MRRF: variants seen among roughly 807,000 people sequenced by gnomAD.
The protein encoded by MRRF is mitochondrial ribosome recycling factor.
A neutral mutation model predicts 25.1 loss-of-function variants in MRRF; 18 were observed. The observed-to-expected ratio is 0.72, with a 90% CI of 0.50 to 1.06. MRRF has a LOEUF of 1.06. Ranked by LOEUF, MRRF falls within the 50% of genes least tolerant of loss-of-function variation. The pLI, the probability that MRRF is intolerant of heterozygous loss-of-function variation, is 0.00. For synonymous variants in MRRF, 113 were observed against 112.1 expected, an observed-to-expected ratio of 1.01 and a Z score of -0.05; for missense variants, 323 against 319.3, an observed-to-expected ratio of 1.01 and a Z score of -0.09.
chr9:122,299,835 T>C (rs1357554837), intron 5 of MRRF, among the ~76,000 whole-genome samples: 1 of 151,994 alleles, frequency 6.6e-6, no homozygotes, highest in African/African-American at 2.4e-5. Context: ...CTTAGCAACA[T>C]AATTTTATTG....
chr9:122,299,743 T>A (rs1187067622), intron 5 of MRRF, among the ~76,000 whole-genome samples: 1 of 151,868 alleles, frequency 6.6e-6, no homozygotes, highest in East Asian at 1.9e-4. Flanking sequence ...AAGTATAGGG[T>A]CCTGGAAACC....
chr9:122,317,954 G>A (rs1011504718), intron 6 of MRRF, among the ~76,000 whole-genome samples: 14 of 152,004 alleles, frequency 9.2e-5, no homozygotes, highest in Admixed American at 6.6e-4. Flanking sequence ...TGGCTAACAC[G>A]GTGAAACCCT....
rs1488794140 is a variant in MRRF, at chr9:122,313,494, A to G, written c.711+108A>G. On this transcript the variant is annotated intron_variant, in intron 6 of 6. Transcript: ENST00000344641. ...ACAGAATACCTCTGATCTTTCATTC[A>G]CATTATCACCATTGTCTGAGTCTCT... 8.9e-6 allele frequency: 11 copies of G among 1,234,410 alleles called. No homozygotes were observed. In the Admixed American group the frequency reaches 1.9e-4, roughly 21 times the overall value. 76.5% of individuals were successfully genotyped at this position (1,234,410 alleles called of 1,614,324 possible). A position where few individuals can be genotyped will look rare whatever the true frequency, so the allele number is the denominator to read the frequency against.
intron 5 of MRRF, among the ~76,000 whole-genome samples, chr9:122,311,543 A>T (rs1020176884): frequency 1.3e-5 from 2 of 152,208 alleles, no homozygotes; most frequent in African/African-American, 2.4e-5. Flanking sequence ...ATTAAGGCCA[A>T]ATTACCTATA....
intron 5 of MRRF, among the ~76,000 whole-genome samples, chr9:122,298,107 A>C (rs78441285): frequency 6.6e-6 from 1 of 152,220 alleles, no homozygotes; most frequent in Non-Finnish European, 1.5e-5. Flanking sequence ...AGAGTTGAGC[A>C]GGATTCAAAC....
At chr9:122,302,454 G>A (rs55801152) in intron 5 of MRRF, among the ~76,000 whole-genome samples, 2 of 152,182 alleles carry the variant, frequency 1.3e-5, no homozygotes. Flanking sequence ...GGAGTCACAC[G>A]ATATGTGGTC....
chr9:122,307,236 C>A (rs1017031292), intron 5 of MRRF, among the ~76,000 whole-genome samples: 1 of 152,134 alleles, frequency 6.6e-6, no homozygotes, highest in Non-Finnish European at 1.5e-5. Context: ...AGGGGGGAGT[C>A]CCGGAAGCCC....
chr9:122,298,008 A>T (rs1256632309), intron 5 of MRRF, among the ~76,000 whole-genome samples: 2 of 152,156 alleles, frequency 1.3e-5, no homozygotes, highest in Non-Finnish European at 2.9e-5. Flanking sequence ...TCTATGATTG[A>T]ACTCACTCTG....
chr9:122,280,038 T>C (rs1051904063), intron 2 of MRRF, among the ~76,000 whole-genome samples: 4 of 152,230 alleles, frequency 2.6e-5, no homozygotes, highest in Non-Finnish European at 4.4e-5. Flanking sequence ...TTAATTTAGT[T>C]ATGGATTCCC....
In MRRF at chr9:122,270,870, T is replaced by G. The variant is rs1454214909; in HGVS notation, c.-22T>G. ...TTTGTCTTATTCTTTTTAGTGGATG[T>G]TTCCAAGGATTGTCTTCAGTCATGG... On this transcript the variant is annotated 5_prime_UTR_variant, in exon 2 of 7. Transcript: ENST00000344641. The G allele has an allele frequency of 6.2e-7, 1 of 1,613,154 alleles. No homozygotes were observed.
At chr9:122,300,658 T>G (rs1306837942) in intron 5 of MRRF, among the ~76,000 whole-genome samples, 1 of 152,238 alleles carries the variant, frequency 6.6e-6, no homozygotes, top group East Asian at 1.9e-4. Flanking sequence ...TAATCCTTAA[T>G]GCCCTCCTTC....
intron 5 of MRRF, among the ~76,000 whole-genome samples, chr9:122,305,951 T>A (rs552820531): frequency 2.6e-5 from 4 of 152,352 alleles, no homozygotes; most frequent in South Asian, 4.1e-4. Context: ...ATTTATGTAT[T>A]AGCTAATATA....
In MRRF at chr9:122,328,960, C is replaced by G. The variant is rs1187674948; in HGVS notation, c.*6343C>G. Reference sequence around the variant, plus strand: ...AACTGCAGATATGCACAGCTGTGCCCGAAGATCCCTTTCTCTTACATTCCT... The same window carrying G: ...AACTGCAGATATGCACAGCTGTGCCGGAAGATCCCTTTCTCTTACATTCCT... On this transcript the variant is annotated 3_prime_UTR_variant, in exon 7 of 7. Coordinates refer to ENST00000344641, the MANE Select transcript of MRRF (RefSeq NM_138777.5). The G allele has an allele frequency of 2.0e-5, 3 of 151,928 alleles. No individual in the cohort carries two copies. The highest frequency in any genetic ancestry group is 4.4e-5 in the Non-Finnish European group (3 of 67,994). The allele number at this position is 151,928 out of a possible 1,614,324, so 9.4% of individuals were successfully genotyped here.
intron 5 of MRRF, among the ~76,000 whole-genome samples, chr9:122,298,712 A>C (rs1834242739): frequency 6.6e-6 from 1 of 152,240 alleles, no homozygotes; most frequent in Non-Finnish European, 1.5e-5. Flanking sequence ...CTGATGATAA[A>C]GTAGTGAATA....
At position 122,290,782 on chromosome 9, in the gene MRRF, T is replaced by C. The variant is rs77942765; in HGVS notation, c.460-967T>C. 1.5e-3 allele frequency among the ~76,000 whole-genome samples: 224 copies of C among 152,206 alleles called. 4 individuals carry two copies. In the East Asian group the frequency reaches 0.041, roughly 28 times the overall value. On this transcript the variant is annotated intron_variant, in intron 4 of 6. Transcript: ENST00000344641. ...CTCTAGGATTGCATACAAGGTATAG[T>C]TATAATGTTGCTTGAGTGTGAGGTG...
intron 4 of MRRF, chr9:122,285,592 C>A (rs375911750): frequency 4.5e-6 from 2 of 447,206 alleles, no homozygotes; most frequent in Non-Finnish European, 8.2e-6. Flanking sequence ...GCTGGAGAGC[C>A]TGTACCTTGT....
At chr9:122,280,623 G>C (rs756028455) in intron 3 of MRRF, 25 bp downstream of exon 3, 3 of 1,611,078 alleles carry the variant, frequency 1.9e-6, no homozygotes, top group Admixed American at 3.3e-5. Context: ...CAATGTTCTG[G>C]GGAGGGATGT....
At chr9:122,320,630 G>A (rs145885298) in intron 6 of MRRF, among the ~76,000 whole-genome samples, 1 of 152,240 alleles carries the variant, frequency 6.6e-6, no homozygotes, top group Non-Finnish European at 1.5e-5. Flanking sequence ...AGCCACTCTT[G>A]CAGTGTGTCT....
At chr9:122,294,637 C>T (rs1258417435) in intron 5 of MRRF, among the ~76,000 whole-genome samples, 2 of 152,046 alleles carry the variant, frequency 1.3e-5, no homozygotes, top group South Asian at 2.1e-4. Context: ...GGCTGTGTTA[C>T]GTGAGAGGAT....
Sources: allele counts gnomAD v4.1 joint callset (sites outside exome capture counted in the v4.1 genomes callset), GRCh38; gene constraint gnomAD v4.1.1; transcripts MANE v1.5; gene names NCBI Gene and HGNC (gene_info 2026-07-23, HGNC 2026-07-21).